TMPRSS9: variants seen among roughly 807,000 people sequenced by gnomAD.
The protein encoded by TMPRSS9 is transmembrane serine protease 9, also known as transmembrane protease serine 9.
In TMPRSS9, 113 loss-of-function variants were observed where a neutral mutation model predicts 111.4. The observed-to-expected ratio is 1.01, with a 90% CI of 0.87 to 1.19. The LOEUF (loss-of-function observed/expected upper bound fraction) is 1.19, where lower values mean the gene tolerates loss of function less well. Among genes scored for constraint, TMPRSS9 ranks in the 50% most tolerant of loss-of-function variants. TMPRSS9 has a pLI of 0.00. For missense variants in TMPRSS9, 1,803 were observed against 1,513.1 expected, an observed-to-expected ratio of 1.19 and a Z score of -3.18; for synonymous variants, 805 against 659.1, an observed-to-expected ratio of 1.22 and a Z score of -3.39.
intron 7 of TMPRSS9, 29 bp downstream of exon 8, chr19:2,405,574 C>G (rs916340341): frequency 6.7e-7 from 1 of 1,495,536 alleles, no homozygotes; most frequent in Non-Finnish European, 8.9e-7. Flanking sequence ...GCACCAAACC[C>G]GAACCCTCTG....
At chr19:2,402,742 A>T (rs1358753513) in intron 5 of TMPRSS9, among the ~76,000 whole-genome samples, 2 of 151,958 alleles carry the variant, frequency 1.3e-5, no homozygotes, top group Non-Finnish European at 2.9e-5. Context: ...CTGTCTCAAA[A>T]AAATAAATAA....
At position 2,402,017 on chromosome 19, in the gene TMPRSS9, G is replaced by T. The variant is rs570630834; in HGVS notation, c.556+1G>T. 5.6e-6 allele frequency: 9 copies of T among 1,608,782 alleles called. No homozygotes were observed. The highest frequency in any genetic ancestry group is 1.1e-5 in the South Asian group (1 of 90,988). On this transcript the variant is annotated splice_donor_variant, in intron 5 of 17. Transcript: ENST00000648592. LOFTEE classifies it high-confidence loss of function. ...TTGGCAGAAAGAGACTTCAAATCAG[G>T]TATGTTTTTCTCTCTGGCCTTTTCT...
Position 2,396,677 on chromosome 19 carries a change from T to C in TMPRSS9, c.270+11T>C, listed in dbSNP as rs1457341725. On this transcript the variant is annotated intron_variant, in intron 2 of 17. Coordinates refer to ENST00000648592, the Ensembl canonical transcript of TMPRSS9. The stretch of plus-strand genomic sequence containing the variant: ...ACCCTGGAGGCACTGGTGAGGGTGG[T>C]CTGTGTTTGGGGGCCAGGGAGGAAG... The C allele has an allele frequency of 6.2e-7, 1 of 1,601,332 alleles. No homozygotes were observed. The highest frequency in any genetic ancestry group is 1.1e-5 in the South Asian group (1 of 89,978).
chr19:2,370,125 C>T lies in TMPRSS9; in HGVS notation c.-26+9765C>T, dbSNP rs185438002. ...CTTGGGAGGCTGAGGCAGGAAATCA[C>T]GTGAACCCAGGAGGCAGAGATTGCA... On this transcript the variant is annotated intron_variant, in intron 1 of 17. Transcript: ENST00000649857. Among the ~76,000 whole-genome samples, 10 of 152,178 alleles carry T rather than the reference C, an allele frequency of 6.6e-5. No homozygotes were observed. In the East Asian group the frequency reaches 7.7e-4, roughly 12 times the overall value.
At chr19:2,379,674 T>TTTCTTTCTTTCTTTCTTTCC (rs1599278677) in intron 1 of TMPRSS9, among the ~76,000 whole-genome samples, 2 of 149,070 alleles carry the variant, frequency 1.3e-5, no homozygotes, top group East Asian at 3.9e-4. Flanking sequence ...TCTTTCTTTC[T>TTTCTTTCTTTCTTTCTTTCC]TTCTCTTTTT....
At chr19:2,424,304 C>A in intron 15 of TMPRSS9, 47 bp downstream of exon 16, 1 of 1,305,684 alleles carries the variant, frequency 7.7e-7, no homozygotes, top group Admixed American at 3.3e-5. Context: ...CTGTAGCTCA[C>A]CCGGAACCGA....
intron 1 of TMPRSS9, among the ~76,000 whole-genome samples, chr19:2,370,823 G>A (rs1190457769): frequency 8.6e-5 from 13 of 151,834 alleles, no homozygotes; most frequent in East Asian, 3.9e-4. Context: ...TTAACCCAGC[G>A]TGGTGGCATG....
intron 15 of TMPRSS9, among the ~76,000 whole-genome samples, chr19:2,424,462 C>T (rs996005319): frequency 1.3e-5 from 2 of 150,738 alleles, no homozygotes; most frequent in African/African-American, 4.9e-5. Context: ...CACCCCCTAG[C>T]CTGACCACAC....
rs1363872358 is a variant in TMPRSS9, at chr19:2,409,027, AATAATGATG to A, written c.1117+400_1117+408del. Among the ~76,000 whole-genome samples the A allele has an allele frequency of 1.4e-3, 194 of 140,004 alleles. 2 individuals carry two copies. The East Asian group carries it at 0.03, about 22-fold the overall frequency. The allele number at this position is 140,004 out of a possible 152,430, so 91.8% of individuals were successfully genotyped here. ...TAATAATAATAATAATAATAATAAT[AATAATGATG>A]ATGCAGAAAAACACAGTGGGTCTGC... On this transcript the variant is annotated intron_variant, in intron 8 of 17. Coordinates refer to ENST00000648592, the Ensembl canonical transcript of TMPRSS9.
At chr19:2,387,504 A>AGAAAGGAAAG (rs1274371738), upstream of TMPRSS9, among the ~76,000 whole-genome samples, 1 of 151,246 alleles carries the variant, frequency 6.6e-6, no homozygotes, top group South Asian at 2.1e-4. Flanking sequence ...TCAATAGAAA[A>AGAAAGGAAAG]GAAAGGAAAG....
At chr19:2,422,032 C>T in exon 14 of TMPRSS9, 1 of 1,612,878 alleles carries the variant, frequency 6.2e-7, no homozygotes. Flanking sequence ...CCCATGTCTC[C>T]CCCCTCGACC....
chr19:2,410,416 C>G (rs1287799129), intron 9 of TMPRSS9, 22 bp downstream of exon 10: 5 of 1,612,316 alleles, frequency 3.1e-6, no homozygotes, highest in Non-Finnish European at 4.2e-6. Context: ...ATGCCCCAGA[C>G]CCCAGAAAAA....
At chr19:2,385,201 CGAGGGG>C (rs1568173007), upstream of TMPRSS9, among the ~76,000 whole-genome samples, 221 of 16,670 alleles carry the variant, frequency 0.013, 4 homozygotes, top group African/African-American at 0.038. Context: ...GGGCGGGGCT[CGAGGGG>C]GCGGGGCTCG....
At position 2,377,275 on chromosome 19, in the gene TMPRSS9, ATG is replaced by A. The variant is rs1341261285; in HGVS notation, c.-25-12484_-25-12483del. On this transcript the variant is annotated intron_variant, in intron 1 of 17. Transcript: ENST00000649857. ...TATGTATGTATGTATGTATGTATGT[ATG>A]TATGTATGTATGTATATATGTATGT... is the stretch of plus-strand genomic sequence containing the variant. Among the ~76,000 whole-genome samples, 8 of 134,856 alleles carry A rather than the reference ATG, an allele frequency of 5.9e-5. 1 individual carries two copies. The highest frequency in any genetic ancestry group is 2.7e-4 in the African/African-American group (8 of 29,380). The allele number at this position is 134,856 out of a possible 152,430, so 88.5% of individuals were successfully genotyped here.
intron 10 of TMPRSS9, among the ~76,000 whole-genome samples, chr19:2,414,944 T>G: frequency 1.7e-5 from 2 of 116,356 alleles, no homozygotes; most frequent in East Asian, 9.4e-4. Context: ...CATTCCTATT[T>G]TTTTTTTTTT....
intron 1 of TMPRSS9, among the ~76,000 whole-genome samples, chr19:2,394,371 A>C (rs80139176): frequency 0.016 from 2,501 of 152,238 alleles, 54 homozygotes; most frequent in Middle Eastern, 0.048. Context: ...CGAACAATAG[A>C]GACCTTGTCT....
chr19:2,379,801 A>T (rs1970372403), intron 1 of TMPRSS9, among the ~76,000 whole-genome samples: 1 of 140,286 alleles, frequency 7.1e-6, no homozygotes, highest in African/African-American at 2.7e-5. Context: ...TCTCTTGCCC[A>T]TCTCAAGTGC....
In TMPRSS9 at chr19:2,374,298, C is replaced by T. The variant is rs540950423; in HGVS notation, c.-26+13938C>T. On this transcript the variant is annotated intron_variant, in intron 1 of 17. Transcript: ENST00000649857. The stretch of plus-strand genomic sequence containing the variant: ...TTTTTTTTTTTTTAAAGAGGTAGGG[C>T]GCGGTGGCTCACGCCTGTAATCCCC... Among the ~76,000 whole-genome samples the T allele has an allele frequency of 3.8e-3, 454 of 118,024 alleles. 2 individuals are homozygous for T. The highest frequency in any genetic ancestry group is 0.013 in the African/African-American group (427 of 32,562). The allele number at this position is 118,024 out of a possible 152,430, so 77.4% of individuals were successfully genotyped here.
chr19:2,396,305 CG>C, intron 1 of TMPRSS9: 1 of 465,846 alleles, frequency 2.1e-6, no homozygotes, highest in South Asian at 4.0e-5. Context: ...TGGGGACCTC[CG>C]GGTGGGTGGC....
Sources: gnomAD v4.1 joint callset for allele counts (sites outside exome capture counted in the v4.1 genomes callset) on GRCh38, gnomAD v4.1.1 for gene constraint, MANE v1.5 for transcripts, NCBI Gene and HGNC (gene_info 2026-07-23, HGNC 2026-07-21) for gene names.